Variants in PLD5 observed in about 807,000 individuals in gnomAD.
PLD5 encodes the protein inactive phospholipase D5.
In PLD5, 36 loss-of-function variants were observed where a neutral mutation model predicts 61.1. The ratio of observed to expected loss-of-function variants is 0.59; its 90% CI spans 0.45 to 0.78. The LOEUF is 0.78. Among genes scored for constraint, PLD5 ranks in the 30% least tolerant of loss-of-function variants. The pLI, the probability that PLD5 is intolerant of heterozygous loss-of-function variation, is 0.00. For synonymous variants in PLD5, 243 were observed against 242.8 expected, an observed-to-expected ratio of 1.00 and a Z score of -0.01; for missense variants, 515 against 644.4, an observed-to-expected ratio of 0.80 and a Z score of 2.17.
At chr1:242,156,635 T>C (rs1179207066) in intron 5 of PLD5, among the ~76,000 whole-genome samples, 1 of 152,186 alleles carries the variant, frequency 6.6e-6, no homozygotes, top group African/African-American at 2.4e-5. Flanking sequence ...GGATATGAAA[T>C]TCTGGGTTGA....
intron 1 of PLD5, among the ~76,000 whole-genome samples, chr1:242,465,944 AC>A (rs1667265892): frequency 6.6e-6 from 1 of 151,876 alleles, no homozygotes; most frequent in South Asian, 2.1e-4. Flanking sequence ...GGGAAAGAAA[AC>A]AGAAATGCCA....
At chr1:242,393,565 T>C (rs1418263931) in intron 1 of PLD5, among the ~76,000 whole-genome samples, 1 of 96,180 alleles carries the variant, frequency 1.0e-5, no homozygotes, top group Admixed American at 1.3e-4. Flanking sequence ...TATGAGTATA[T>C]ATGTGTATAT....
intron 2 of PLD5, among the ~76,000 whole-genome samples, chr1:242,332,707 T>G (rs1202644520): frequency 6.6e-6 from 1 of 152,238 alleles, no homozygotes; most frequent in African/African-American, 2.4e-5. Context: ...TTACATCAAG[T>G]GGCTCAGCTC....
At chr1:242,499,023 T>C (rs1441027849) in intron 1 of PLD5, among the ~76,000 whole-genome samples, 1 of 152,230 alleles carries the variant, frequency 6.6e-6, no homozygotes, top group Non-Finnish European at 1.5e-5. Context: ...TTTTGATGTA[T>C]GCTACCAAAT....
intron 5 of PLD5, among the ~76,000 whole-genome samples, chr1:242,157,659 C>A (rs1665492548): frequency 6.6e-6 from 1 of 152,170 alleles, no homozygotes; most frequent in South Asian, 2.1e-4. Context: ...GTATCACCAG[C>A]AGAGGCTGCA....
intron 5 of PLD5, among the ~76,000 whole-genome samples, chr1:242,194,664 A>ATCTATCTATCTATCTATCTG (rs1558329022): frequency 7.3e-4 from 110 of 150,672 alleles, no homozygotes; most frequent in South Asian, 2.3e-3. Context: ...CTATCTATCT[A>ATCTATCTATCTATCTATCTG]TCTACCTATC....
intron 2 of PLD5, among the ~76,000 whole-genome samples, chr1:242,340,815 A>C (rs1281009746): frequency 1.3e-5 from 2 of 152,330 alleles, no homozygotes; most frequent in East Asian, 1.9e-4. Flanking sequence ...TGGAATACGA[A>C]GAAATGAAGG....
At chr1:242,291,921 T>TA (rs1157632656) in intron 2 of PLD5, among the ~76,000 whole-genome samples, 2 of 152,000 alleles carry the variant, frequency 1.3e-5, no homozygotes, top group Admixed American at 6.6e-5. Context: ...GTCCAAAGCC[T>TA]AAAGTGAGGG....
At chr1:242,398,377 G>A (rs1165728939) in intron 1 of PLD5, among the ~76,000 whole-genome samples, 1 of 152,182 alleles carries the variant, frequency 6.6e-6, no homozygotes, top group African/African-American at 2.4e-5. Flanking sequence ...CATAACAGAA[G>A]CAAGTTTTAT....
Position 242,203,974 on chromosome 1 carries a change from C to T in PLD5, c.735+16014G>A, listed in dbSNP as rs1291934813. Among the ~76,000 whole-genome samples the T allele has an allele frequency of 2.0e-5, 3 of 152,036 alleles. 1 individual carries two copies. The highest frequency in any genetic ancestry group is 1.3e-4 in the Admixed American group (2 of 15,258). ...GTCTTAGGCCGGTTGCGGTGGCTCA[C>T]GCCTGTAATCCCAGCACTTTGGGAG... On this transcript the variant is annotated intron_variant, in intron 5 of 9. Transcript: ENST00000536534.
chr1:242,369,476 A>T (rs969316077), intron 1 of PLD5, among the ~76,000 whole-genome samples: 4 of 152,204 alleles, frequency 2.6e-5, no homozygotes, highest in African/African-American at 9.7e-5. Context: ...GGGAAAAATA[A>T]TCAATAGAGG....
At chr1:242,117,385 AAT>A (rs1491172611) in intron 6 of PLD5, among the ~76,000 whole-genome samples, 1 of 65,508 alleles carries the variant, frequency 1.5e-5, no homozygotes, top group Non-Finnish European at 3.0e-5. Flanking sequence ...CTCCTCCATG[AAT>A]TTTTTTTTTT....
chr1:242,197,403 A>G (rs959319659), intron 5 of PLD5, among the ~76,000 whole-genome samples: 5 of 152,114 alleles, frequency 3.3e-5, no homozygotes, highest in Admixed American at 2.6e-4. Flanking sequence ...CAAGCCCCAC[A>G]ATGTCTCTGT....
chr1:242,287,570 T>C (rs972902125), intron 3 of PLD5, among the ~76,000 whole-genome samples: 11 of 152,278 alleles, frequency 7.2e-5, no homozygotes, highest in African/African-American at 2.6e-4. Context: ...GAGATCATGA[T>C]TATAAGCTTA....
At chr1:242,328,610 G>GT (rs1658974663) in intron 2 of PLD5, among the ~76,000 whole-genome samples, 1 of 152,188 alleles carries the variant, frequency 6.6e-6, no homozygotes, top group South Asian at 2.1e-4. Context: ...ACAGTGATGA[G>GT]TTGTAGTTTG....
chr1:242,347,066 C>A (rs1660180880), intron 2 of PLD5, among the ~76,000 whole-genome samples: 1 of 152,170 alleles, frequency 6.6e-6, no homozygotes, highest in African/African-American at 2.4e-5. Flanking sequence ...GTTTTGATTT[C>A]TTTCTTTTAT....
intron 1 of PLD5, among the ~76,000 whole-genome samples, chr1:242,395,676 T>C (rs1055419425): frequency 1.3e-5 from 2 of 152,024 alleles, no homozygotes; most frequent in Non-Finnish European, 2.9e-5. Context: ...ACATAGAACA[T>C]AAAGAGATGC....
Position 242,090,061 on chromosome 1 carries a change from G to GC in PLD5, c.1403dup (p.Leu469ProfsTer16). The GC allele has an allele frequency of 6.2e-7, 1 of 1,614,104 alleles. No individual in the cohort carries two copies. The highest frequency in any genetic ancestry group is 1.3e-5 in the African/African-American group (1 of 75,018). On this transcript the variant is annotated frameshift_variant, in exon 10 of 10. Coordinates refer to ENST00000536534, the MANE Select transcript of PLD5 (RefSeq NM_001372062.1). LOFTEE classifies it high-confidence loss of function. The stretch of plus-strand genomic sequence containing the variant: ...TCACATCTGCCTGGTTGATAACAAG[G>GC]CCCGTGCCAGCATTCTGAGTGAAAT...
intron 6 of PLD5, among the ~76,000 whole-genome samples, chr1:242,123,041 T>C (rs1340920950): frequency 6.6e-6 from 1 of 152,214 alleles, no homozygotes; most frequent in Non-Finnish European, 1.5e-5. Flanking sequence ...TAAGATCTCA[T>C]CTCAGATCCA....
Sources: allele counts gnomAD v4.1 joint callset (sites outside exome capture counted in the v4.1 genomes callset), GRCh38; gene constraint gnomAD v4.1.1; transcripts MANE v1.5; gene names NCBI Gene and HGNC (gene_info 2026-07-23, HGNC 2026-07-21).